Variants in KANK1 observed in about 807,000 individuals in gnomAD.
The protein encoded by KANK1 is KN motif and ankyrin repeat domains 1.
KANK1 carries 109 observed loss-of-function variants against 106.2 expected under a neutral mutation model. The ratio of observed to expected loss-of-function variants is 1.03; its 90% CI spans 0.88 to 1.20. The LOEUF (loss-of-function observed/expected upper bound fraction) is 1.20, where lower values mean the gene tolerates loss of function less well. KANK1 is among the 50% of genes most tolerant of loss of function. KANK1 has a pLI of 0.00. For missense variants in KANK1, 2,399 were observed against 1,710.7 expected (o/e 1.40, Z -7.10); for synonymous variants, 873 against 652.2 (o/e 1.34, Z -5.16).
At chr9:606,314 T>G (rs1829145336) in intron 1 of KANK1, among the ~76,000 whole-genome samples, 1 of 138,684 alleles carries the variant, frequency 7.2e-6, no homozygotes, top group Non-Finnish European at 1.5e-5. Context: ...CCCAGCACTT[T>G]GGGAGGCCGA....
At chr9:637,856 C>T (rs1227803095) in intron 1 of KANK1, among the ~76,000 whole-genome samples, 1 of 152,076 alleles carries the variant, frequency 6.6e-6, no homozygotes, top group East Asian at 1.9e-4. Context: ...ATAAGAAAAG[C>T]CAATATTTTT....
At chr9:539,977 C>T (rs919303262) in intron 1 of KANK1, among the ~76,000 whole-genome samples, 9 of 152,206 alleles carry the variant, frequency 5.9e-5, no homozygotes, top group Admixed American at 1.3e-4. Context: ...ATTATATCAT[C>T]TGCAAACAGA....
chr9:653,241 C>T (rs1051247484), intron 1 of KANK1, among the ~76,000 whole-genome samples: 4 of 152,066 alleles, frequency 2.6e-5, no homozygotes, highest in East Asian at 1.9e-4. Flanking sequence ...ATTTAAGTAA[C>T]GTTCCCAGAG....
intron 1 of KANK1, among the ~76,000 whole-genome samples, chr9:521,436 G>T (rs1339717128): frequency 6.6e-6 from 1 of 151,570 alleles, no homozygotes; most frequent in Non-Finnish European, 1.5e-5. Flanking sequence ...TGCACTTGGG[G>T]TTCTTCCTGA....
chr9:584,484 A>T (rs1822965101), intron 1 of KANK1, among the ~76,000 whole-genome samples: 2 of 152,230 alleles, frequency 1.3e-5, no homozygotes, highest in Admixed American at 6.5e-5. Context: ...TACATAGGTT[A>T]TCCAAAGATA....
intron 1 of KANK1, among the ~76,000 whole-genome samples, chr9:542,633 C>T (rs567846000): frequency 6.6e-6 from 1 of 152,226 alleles, no homozygotes; most frequent in South Asian, 2.1e-4. Flanking sequence ...TCACAATAGT[C>T]AAGTTATGGA....
chr9:608,875 C>T (rs1829938607), intron 1 of KANK1, among the ~76,000 whole-genome samples: 1 of 152,116 alleles, frequency 6.6e-6, no homozygotes, highest in African/African-American at 2.4e-5. Flanking sequence ...GCCATGGTGA[C>T]ATGCATAATA....
intron 1 of KANK1, among the ~76,000 whole-genome samples, chr9:621,005 C>T (rs1258511369): frequency 2.6e-5 from 4 of 152,124 alleles, no homozygotes; most frequent in Admixed American, 2.6e-4. Flanking sequence ...AATTTATTAT[C>T]TCCCATCTGA....
At chr9:593,841 T>C (rs1306720426) in intron 1 of KANK1, among the ~76,000 whole-genome samples, 2 of 151,890 alleles carry the variant, frequency 1.3e-5, no homozygotes, top group Non-Finnish European at 2.9e-5. Context: ...TAACTGGACT[T>C]CTAGGGAATG....
At chr9:594,743 A>T (rs543164977) in intron 1 of KANK1, among the ~76,000 whole-genome samples, 4 of 151,870 alleles carry the variant, frequency 2.6e-5, no homozygotes, top group African/African-American at 9.7e-5. Flanking sequence ...TGTTTCTAGA[A>T]TTTAAAAAAA....
intron 1 of KANK1, among the ~76,000 whole-genome samples, chr9:575,949 G>A (rs59363005): frequency 6.6e-6 from 1 of 152,162 alleles, no homozygotes; most frequent in Non-Finnish European, 1.5e-5. Context: ...CTTGAACCCA[G>A]TATGTGGAGG....
chr9:567,396 T>A (rs916741151), intron 1 of KANK1, among the ~76,000 whole-genome samples: 1 of 152,226 alleles, frequency 6.6e-6, no homozygotes, highest in Non-Finnish European at 1.5e-5. Flanking sequence ...CAAAGTTGAT[T>A]TAGTTTTGGA....
In KANK1 at chr9:712,008, G is replaced by A. The variant is rs140050145; in HGVS notation, c.1242G>A (p.Val414=). The A allele has an allele frequency of 4.1e-5, 66 of 1,614,174 alleles. No individual in the cohort carries two copies. Among genetic ancestry groups the A allele is most frequent in the Middle Eastern group, 1.6e-4 (1 of 6,062 alleles). The stretch of plus-strand genomic sequence containing the variant: ...AGGAGAACATGAACGACATCGTCGT[G>A]TACCACAGAGGCTCCAGGTCCTGTA... ...GAEENMNDIV[V]YHRGSRSCKD... is the part of the protein sequence containing the mutation. Residue 414 remains valine (V), a synonymous_variant, in exon 3 of 12, where the codon GTG becomes GTA. Coordinates refer to ENST00000382297, the MANE Select transcript of KANK1 (RefSeq NM_015158.5).
At chr9:700,532 T>C (rs929150267) in intron 2 of KANK1, among the ~76,000 whole-genome samples, 6 of 152,220 alleles carry the variant, frequency 3.9e-5, no homozygotes, top group Non-Finnish European at 7.3e-5. Context: ...CTTCCTGAGT[T>C]CATCCTACTG....
intron 3 of KANK1, among the ~76,000 whole-genome samples, chr9:729,260 G>C (rs1831566617): frequency 2.0e-5 from 3 of 152,132 alleles, no homozygotes; most frequent in Non-Finnish European, 2.9e-5. Context: ...ATCTACAAGG[G>C]AGTCTAAAAC....
chr9:531,019 A>T (rs2060031789), intron 1 of KANK1, among the ~76,000 whole-genome samples: 1 of 152,178 alleles, frequency 6.6e-6, no homozygotes, highest in Non-Finnish European at 1.5e-5. Flanking sequence ...ATCATATTTT[A>T]TGTAACTCAA....
intron 1 of KANK1, among the ~76,000 whole-genome samples, chr9:566,762 G>C (rs959377588): frequency 6.6e-6 from 1 of 152,132 alleles, no homozygotes; most frequent in African/African-American, 2.4e-5. Context: ...ACTTTTGTCA[G>C]ATGGATAGTT....
At chr9:626,445 A>G (rs1300071612) in intron 1 of KANK1, among the ~76,000 whole-genome samples, 1 of 152,318 alleles carries the variant, frequency 6.6e-6, no homozygotes, top group Non-Finnish European at 1.5e-5. Context: ...GAAACAAAAA[A>G]AAGCTGTGCC....
intron 3 of KANK1, among the ~76,000 whole-genome samples, chr9:480,094 C>T (rs565483679): frequency 3.3e-5 from 5 of 152,328 alleles, no homozygotes; most frequent in African/African-American, 1.2e-4. Flanking sequence ...CACGTTCCAT[C>T]TGGTAAATAA....
Sources: allele counts gnomAD v4.1 joint callset (sites outside exome capture counted in the v4.1 genomes callset), GRCh38; gene constraint gnomAD v4.1.1; transcripts MANE v1.5; gene names NCBI Gene and HGNC (gene_info 2026-07-23, HGNC 2026-07-21).